CHST10: variants seen among roughly 807,000 people sequenced by gnomAD.
CHST10 encodes carbohydrate sulfotransferase 10.
In CHST10, 24 loss-of-function variants were observed where a neutral mutation model predicts 34.7. The observed-to-expected ratio is 0.69, with a 90% CI of 0.50 to 0.97. The LOEUF is 0.97. Ranked by LOEUF, CHST10 falls within the 50% of genes least tolerant of loss-of-function variation. The pLI, the probability that CHST10 is intolerant of heterozygous loss-of-function variation, is 0.00. For missense variants in CHST10, 402 were observed against 452.1 expected, an observed-to-expected ratio of 0.89 and a Z score of 1.00; for synonymous variants, 161 against 169.3, an observed-to-expected ratio of 0.95 and a Z score of 0.38.
chr2:100,411,021 A>T (rs1257089445), intron 2 of CHST10, among the ~76,000 whole-genome samples: 1 of 152,126 alleles, frequency 6.6e-6, no homozygotes, highest in Non-Finnish European at 1.5e-5. Context: ...AGACACATAT[A>T]TGTAATACAT....
Position 100,398,120 on chromosome 2 carries a change from T to C in CHST10, c.215A>G (p.Asp72Gly), listed in dbSNP as rs779581569. ...ELKPTGKELPDSQLVQPLVYM... is the reference protein window; with the variant it reads ...ELKPTGKELPGSQLVQPLVYM... ...GACCAGGGGCTGAACGAGCTGGCTGTCTGGAAGCTCCTTCCCAGTTGGCTG... is the reference window on the plus strand; with the variant it reads ...GACCAGGGGCTGAACGAGCTGGCTGCCTGGAAGCTCCTTCCCAGTTGGCTG... Residue 72 changes from aspartate to glycine, a missense_variant, in exon 5 of 7, where the codon GAC becomes GGC. Coordinates refer to ENST00000264249, the MANE Select transcript of CHST10 (RefSeq NM_004854.5). 5 of 1,612,566 alleles carry C rather than the reference T, an allele frequency of 3.1e-6. No individual in the cohort carries two copies. Among genetic ancestry groups the C allele is most frequent in the Admixed American group, 1.7e-5 (1 of 59,914 alleles).
chr2:100,392,811 T>TTAAAA lies in CHST10; in HGVS notation c.*433_*434insTTTTA. On this transcript the variant is annotated 3_prime_UTR_variant, in exon 7 of 7. Coordinates refer to ENST00000264249, the MANE Select transcript of CHST10 (RefSeq NM_004854.5). The stretch of plus-strand genomic sequence containing the variant: ...AGCCCCCTTGCTTCTCTGTCCCTCC[T>TTAAAA]CAGAGTCCTGGGTGCTGTTCCTGCA... The TTAAAA allele has an allele frequency of 5.6e-6, 1 of 180,082 alleles. No homozygotes were observed. The highest frequency in any genetic ancestry group is 2.3e-5 in the African/African-American group (1 of 42,682). 11.2% of individuals were successfully genotyped at this position (180,082 alleles called of 1,614,324 possible). A position where few individuals can be genotyped will look rare whatever the true frequency, so the allele number is the denominator to read the frequency against.
intron 4 of CHST10, 28 bp from the exon 5 acceptor site, chr2:100,398,170 C>T (rs1675163008): frequency 5.1e-6 from 8 of 1,557,894 alleles, no homozygotes; most frequent in Non-Finnish European, 7.0e-6. Context: ...CAGAAGAGGC[C>T]CAGGGACCAT....
chr2:100,393,630 C>T lies in CHST10; in HGVS notation c.686G>A (p.Arg229Gln), dbSNP rs751154094. ...AAACTGGATCCCCCGGGTCTCTGTC[C>T]GGTTCCTCCTGTATTTTCTGATGAT... ...PGIIRKYRRN[R>Q]TETRGIQFED... is the part of the protein sequence containing the mutation. Residue 229 changes from arginine to glutamine, a missense_variant, in exon 7 of 7, where the codon CGG becomes CAG. By Grantham distance (43) the Arg-to-Gln change is conservative (BLOSUM62 1). Transcript: ENST00000264249. 11 of 1,614,110 alleles carry T rather than the reference C, an allele frequency of 6.8e-6. No individual in the cohort carries two copies. Among genetic ancestry groups the T allele is most frequent in the South Asian group, 1.1e-5 (1 of 91,070 alleles).
chr2:100,415,762 C>T (rs960254421), intron 1 of CHST10: 1 of 152,224 alleles, frequency 6.6e-6, no homozygotes, highest in Admixed American at 6.5e-5. Context: ...CATCACTTAA[C>T]AATAGGGATA....
intron 4 of CHST10, among the ~76,000 whole-genome samples, chr2:100,398,709 G>C (rs1675192968): frequency 6.6e-6 from 1 of 152,016 alleles, no homozygotes; most frequent in South Asian, 2.1e-4. Flanking sequence ...ACTCCGTCTT[G>C]GGGGAAAAAA....
chr2:100,404,070 G>A (rs925712269), intron 3 of CHST10, among the ~76,000 whole-genome samples: 5 of 152,202 alleles, frequency 3.3e-5, no homozygotes, highest in Admixed American at 6.5e-5. Flanking sequence ...GTGCCAGCTC[G>A]CATCCTGCAT....
chr2:100,408,019 G>A (rs1405480213), intron 2 of CHST10: 1 of 152,092 alleles, frequency 6.6e-6, no homozygotes, highest in African/African-American at 2.4e-5. Context: ...CCCAAAACCA[G>A]TATTTTTTGT....
At chr2:100,394,235 G>A (rs1220692528) in intron 6 of CHST10, among the ~76,000 whole-genome samples, 1 of 146,400 alleles carries the variant, frequency 6.8e-6, no homozygotes, top group African/African-American at 2.8e-5. Context: ...GCCAGGGGAA[G>A]GGGGGCAAGA....
chr2:100,397,233 T>C (rs968571648), intron 5 of CHST10, among the ~76,000 whole-genome samples: 1 of 152,240 alleles, frequency 6.6e-6, no homozygotes. Flanking sequence ...CTAATTGGAA[T>C]TTAAATAAAT....
chr2:100,397,882 T>A (rs1343701603), intron 5 of CHST10, 26 bp downstream of exon 5: 2 of 1,572,940 alleles, frequency 1.3e-6, no homozygotes, highest in East Asian at 4.5e-5. Flanking sequence ...CCCTTCCCAG[T>A]GGACATTCAG....
At chr2:100,398,983 G>A (rs1675205807) in intron 4 of CHST10, among the ~76,000 whole-genome samples, 1 of 152,134 alleles carries the variant, frequency 6.6e-6, no homozygotes, top group African/African-American at 2.4e-5. Flanking sequence ...TTCTCTGGAG[G>A]CATCCTGAGG....
intron 4 of CHST10, among the ~76,000 whole-genome samples, chr2:100,398,651 C>A (rs1411877729): frequency 6.6e-6 from 1 of 152,076 alleles, no homozygotes; most frequent in Non-Finnish European, 1.5e-5. Flanking sequence ...TTGCAGTGAG[C>A]CTAAGATCGC....
rs753953111 is a variant in CHST10 at position 100,393,202 on chromosome 2, C to G, written c.*43G>C. ...TGGGCTCAGATCTTCACCTGGTTAG[C>G]CCCAGGTCTAATAAAGATATTTGAA... On this transcript the variant is annotated 3_prime_UTR_variant, in exon 7 of 7. Transcript: ENST00000264249. The G allele has an allele frequency of 1.5e-5, 24 of 1,579,970 alleles. No individual in the cohort carries two copies. Among genetic ancestry groups the G allele is most frequent in the Non-Finnish European group, 2.0e-5 (23 of 1,154,982 alleles).
rs1444524855 is a variant in CHST10, at chr2:100,413,234, CA to C, written c.-33+1806del. The stretch of plus-strand genomic sequence containing the variant: ...CTCCCCTTTGTTCAAGGAGCCAAGA[CA>C]ACTCTCAGAGTGCCTCTAGAGCTAA... On this transcript the variant is annotated intron_variant, in intron 2 of 6. Coordinates refer to ENST00000264249, the MANE Select transcript of CHST10 (RefSeq NM_004854.5). 3.9e-5 allele frequency among the ~76,000 whole-genome samples: 6 copies of C among 152,322 alleles called. No homozygotes were observed. In the East Asian group the frequency reaches 1.2e-3, roughly 29 times the overall value.
At chr2:100,401,447 C>T (rs927728444) in intron 4 of CHST10, among the ~76,000 whole-genome samples, 5 of 152,220 alleles carry the variant, frequency 3.3e-5, no homozygotes, top group Admixed American at 3.3e-4. Context: ...AGAGGGAGCA[C>T]CAAGATGACC....
chr2:100,395,366 C>G lies in CHST10; in HGVS notation c.533+143G>C, dbSNP rs142485881. On this transcript the variant is annotated intron_variant, in intron 6 of 6. Coordinates refer to ENST00000264249, the MANE Select transcript of CHST10 (RefSeq NM_004854.5). ...GCGCCGAATGGGGGGTGTAGCTTAG[C>G]TGCCTCTCACTGATGCAAACCGACA... 4.6e-4 allele frequency: 282 copies of G among 616,820 alleles called. 1 individual carries two copies. Among genetic ancestry groups the G allele is most frequent in the Non-Finnish European group, 5.7e-4 (202 of 356,586 alleles). The allele number at this position is 616,820 out of a possible 1,614,324, so 38.2% of individuals were successfully genotyped here.
At position 100,406,684 on chromosome 2, in the gene CHST10, A is replaced by G. The variant is rs1420379187; in HGVS notation, c.-9T>C. The G allele has an allele frequency of 6.2e-7, 1 of 1,608,806 alleles. No individual in the cohort carries two copies. Among genetic ancestry groups the G allele is most frequent in the Admixed American group, 1.7e-5 (1 of 59,826 alleles). On this transcript the variant is annotated 5_prime_UTR_variant, in exon 3 of 7. Transcript: ENST00000264249. ...AGCCACTGGTGGTGCATGTTGTCAC[A>G]CCGCAGCCATTCACTGACTCTTCCT...
chr2:100,396,624 G>A (rs1012506682), intron 5 of CHST10, among the ~76,000 whole-genome samples: 17 of 152,276 alleles, frequency 1.1e-4, no homozygotes, highest in South Asian at 6.2e-4. Flanking sequence ...TAAACTAGGC[G>A]TGGGGAGCAC....
Sources: gnomAD v4.1 joint callset for allele counts (sites outside exome capture counted in the v4.1 genomes callset) on GRCh38, gnomAD v4.1.1 for gene constraint, MANE v1.5 for transcripts, NCBI Gene and HGNC (gene_info 2026-07-23, HGNC 2026-07-21) for gene names.